BRIP1: variants seen among roughly 807,000 people sequenced by gnomAD.
The protein encoded by BRIP1 is BRCA1 interacting DNA helicase 1.
A neutral mutation model predicts 119.7 loss-of-function variants in BRIP1; 88 were observed. The ratio of observed to expected loss-of-function variants is 0.74; its 90% CI spans 0.62 to 0.88. BRIP1 has a LOEUF of 0.88. Ranked by LOEUF, BRIP1 falls within the 40% of genes least tolerant of loss-of-function variation. The probability of loss-of-function intolerance (pLI) is 0.00; values close to 1 mark genes in which losing one functional copy is unlikely to be tolerated. For missense variants in BRIP1, 1,259 were observed against 1,455.4 expected (o/e 0.87, Z 2.20); for synonymous variants, 443 against 496.5 (o/e 0.89, Z 1.43).
chr17:61,696,426 A>C (rs1402653147), intron 17 of BRIP1, among the ~76,000 whole-genome samples: 1 of 152,000 alleles, frequency 6.6e-6, no homozygotes, highest in East Asian at 1.9e-4. Flanking sequence ...TTTTCTCGTA[A>C]TGTATTTTAC....
chr17:61,746,036 A>G lies in BRIP1; in HGVS notation c.2098-1445T>C, dbSNP rs1323290060. On this transcript the variant is annotated intron_variant, in intron 14 of 19. Transcript: ENST00000259008. The surrounding 1 kb of genome is among the most constrained non-coding windows in gnomAD (Gnocchi z 4.9). Reference sequence around the variant, plus strand: ...CTACACAATTTGGACAAGTTATTATAAGAAACCACCCAAAATTCTCTGGAA... The same window carrying G: ...CTACACAATTTGGACAAGTTATTATGAGAAACCACCCAAAATTCTCTGGAA... 1.3e-5 allele frequency among the ~76,000 whole-genome samples: 2 copies of G among 152,194 alleles called. No individual in the cohort carries two copies. The highest frequency in any genetic ancestry group is 2.9e-5 in the Non-Finnish European group (2 of 68,014).
At position 61,765,376 on chromosome 17, in the gene BRIP1, A is replaced by G. The variant is rs1567798589; in HGVS notation, c.2097+11025T>C. ...TGTATGTGTGTGTGTGTGTGTGTAT[A>G]TATTATATATATATATATATATATA... On this transcript the variant is annotated intron_variant, in intron 14 of 19. Transcript: ENST00000259008. Among the ~76,000 whole-genome samples the G allele has an allele frequency of 3.3e-3, 165 of 50,094 alleles. 4 individuals are homozygous for G. The highest frequency in any genetic ancestry group is 0.012 in the African/African-American group (131 of 10,658). 32.9% of individuals were successfully genotyped at this position (50,094 alleles called of 152,430 possible).
chr17:61,793,480 A>C lies in BRIP1; in HGVS notation c.1473+117T>G. 1.1e-6 allele frequency: 1 copy of C among 935,092 alleles called. No homozygotes were observed. The highest frequency in any genetic ancestry group is 1.6e-6 in the Non-Finnish European group (1 of 644,930). The allele number at this position is 935,092 out of a possible 1,614,324, so 57.9% of individuals were successfully genotyped here. On this transcript the variant is annotated intron_variant, in intron 10 of 19. Coordinates refer to ENST00000259008, the MANE Select transcript of BRIP1 (RefSeq NM_032043.3). This position sits in a 1 kb window ranked among gnomAD's most constrained non-coding sequence, Gnocchi z 5.2. ...ATTTAGATAATAAAATTTTTAAAAA[A>C]TTAAATTGCTATATTTAACAATTCT...
At chr17:61,797,319 T>C (rs2077915873) in intron 9 of BRIP1, among the ~76,000 whole-genome samples, 1 of 151,778 alleles carries the variant, frequency 6.6e-6, no homozygotes, top group Non-Finnish European at 1.5e-5. Flanking sequence ...AAAAATGGAC[T>C]GTGAGAAGGA....
chr17:61,704,967 C>T lies in BRIP1; in HGVS notation c.2492+10984G>A, dbSNP rs76926382. On this transcript the variant is annotated intron_variant, in intron 17 of 19. Transcript: ENST00000259008. This position sits in a 1 kb window ranked among gnomAD's most constrained non-coding sequence, Gnocchi z 5.7. Reference sequence around the variant, plus strand: ...TATTTTATTTTAGATTCCAGGAGTACATGTGCAGGTTTGTTACAAAGGTAT... The same window carrying T: ...TATTTTATTTTAGATTCCAGGAGTATATGTGCAGGTTTGTTACAAAGGTAT... Among the ~76,000 whole-genome samples the T allele has an allele frequency of 4.7e-3, 710 of 151,888 alleles. 1 individual carries two copies. The highest frequency in any genetic ancestry group is 8.0e-3 in the Non-Finnish European group (546 of 67,930).
Position 61,793,199 on chromosome 17 carries a change from G to A in BRIP1, c.1473+398C>T, listed in dbSNP as rs367977039. On this transcript the variant is annotated intron_variant, in intron 10 of 19. Transcript: ENST00000259008. This position sits in a 1 kb window ranked among gnomAD's most constrained non-coding sequence, Gnocchi z 5.2. The stretch of plus-strand genomic sequence containing the variant: ...TTCATAAGTTTCATAGTCTTCCAAA[G>A]CCTACTCATGATCTCTCCATGAATA... 1.8e-4 allele frequency among the ~76,000 whole-genome samples: 27 copies of A among 152,066 alleles called. No homozygotes were observed. The highest frequency in any genetic ancestry group is 5.8e-4 in the African/African-American group (24 of 41,510).
In BRIP1 at chr17:61,805,461, C is replaced by T. The variant is rs1181945464; in HGVS notation, c.918+3006G>A. Among the ~76,000 whole-genome samples the T allele has an allele frequency of 6.6e-6, 1 of 152,178 alleles. No individual in the cohort carries two copies. The highest frequency in any genetic ancestry group is 2.4e-5 in the African/African-American group (1 of 41,440). ...TCATACTGTGTCAACTTCTCCCTACCTCAATGCCATCTTTGGATTTTGTTT... is the reference window on the plus strand; with the variant it reads ...TCATACTGTGTCAACTTCTCCCTACTTCAATGCCATCTTTGGATTTTGTTT... On this transcript the variant is annotated intron_variant, in intron 7 of 19. Coordinates refer to ENST00000259008, the MANE Select transcript of BRIP1 (RefSeq NM_032043.3). The surrounding 1 kb of genome is among the most constrained non-coding windows in gnomAD (Gnocchi z 5.6).
intron 17 of BRIP1, among the ~76,000 whole-genome samples, chr17:61,712,003 T>A (rs1272098099): frequency 2.0e-5 from 3 of 152,178 alleles, no homozygotes; most frequent in Non-Finnish European, 4.4e-5. Context: ...ACATAGCTTA[T>A]GTATTTGTAT....
Position 61,753,283 on chromosome 17 carries a change from C to T in BRIP1, c.2098-8692G>A, listed in dbSNP as rs184519867. On this transcript the variant is annotated intron_variant, in intron 14 of 19. Transcript: ENST00000259008. This position sits in a 1 kb window ranked among gnomAD's most constrained non-coding sequence, Gnocchi z 4.6. Reference sequence around the variant, plus strand: ...TAAATTCCTTTTAAAAAATAAATCACCCAGTTTCAGGTAGTCTGTTACAAG... The same window carrying T: ...TAAATTCCTTTTAAAAAATAAATCATCCAGTTTCAGGTAGTCTGTTACAAG... Among the ~76,000 whole-genome samples, 379 of 152,214 alleles carry T rather than the reference C, an allele frequency of 2.5e-3. No homozygotes were observed. The highest frequency in any genetic ancestry group is 8.8e-3 in the African/African-American group (366 of 41,524).
Position 61,861,349 on chromosome 17 carries a change from A to C in BRIP1, c.93+98T>G. 3.6e-6 allele frequency: 3 copies of C among 830,942 alleles called. No homozygotes were observed. The highest frequency in any genetic ancestry group is 6.1e-6 in the Non-Finnish European group (3 of 491,752). 51.5% of individuals were successfully genotyped at this position (830,942 alleles called of 1,614,324 possible). A position where few individuals can be genotyped will look rare whatever the true frequency, so the allele number is the denominator to read the frequency against. ...CAAGTGAACCCAGAAAATATTCTCC[A>C]TTTACTGAGAATATGAATGCAGTCA... On this transcript the variant is annotated intron_variant, in intron 2 of 19. Coordinates refer to ENST00000259008, the MANE Select transcript of BRIP1 (RefSeq NM_032043.3). This position sits in a 1 kb window ranked among gnomAD's most constrained non-coding sequence, Gnocchi z 4.5.
chr17:61,858,638 G>C lies in BRIP1; in HGVS notation c.205+1158C>G, dbSNP rs559642508. Among the ~76,000 whole-genome samples, 420 of 152,248 alleles carry C rather than the reference G, an allele frequency of 2.8e-3. 1 individual carries two copies. The highest frequency in any genetic ancestry group is 4.6e-3 in the Non-Finnish European group (315 of 68,020). The stretch of plus-strand genomic sequence containing the variant: ...TCCACCTGCCTTGGCCTCCCAAAGT[G>C]CTGGGATTACAGGCGTGCGCCACTG... On this transcript the variant is annotated intron_variant, in intron 3 of 19. Coordinates refer to ENST00000259008, the MANE Select transcript of BRIP1 (RefSeq NM_032043.3).
In BRIP1 at chr17:61,686,802, A is replaced by AC. The variant is rs1208716012; in HGVS notation, c.2576-638dup. On this transcript the variant is annotated intron_variant, in intron 18 of 19. Coordinates refer to ENST00000259008, the MANE Select transcript of BRIP1 (RefSeq NM_032043.3). The surrounding 1 kb of genome is among the most constrained non-coding windows in gnomAD (Gnocchi z 5.4). ...GACATAAAAACTGCACAAAAATGAA[A>AC]CCTAAGAGTTTAAGGTGTTTTCTAG... 6.6e-6 allele frequency among the ~76,000 whole-genome samples: 1 copy of AC among 152,104 alleles called. No homozygotes were observed. Among genetic ancestry groups the AC allele is most frequent in the Admixed American group, 6.5e-5 (1 of 15,276 alleles).
At chr17:61,811,853 G>C (rs2145450055) in intron 6 of BRIP1, among the ~76,000 whole-genome samples, 1 of 152,154 alleles carries the variant, frequency 6.6e-6, no homozygotes, top group East Asian at 2.0e-4. Flanking sequence ...TCGGGAGGCT[G>C]AGGCAGGTGA....
chr17:61,836,382 C>G (rs2078574866), intron 6 of BRIP1, among the ~76,000 whole-genome samples: 1 of 152,100 alleles, frequency 6.6e-6, no homozygotes, highest in South Asian at 2.1e-4. Flanking sequence ...TCCCCAAGTG[C>G]TGGGATTACA....
chr17:61,691,519 G>A lies in BRIP1; in HGVS notation c.2575+1911C>T, dbSNP rs1014024940. On this transcript the variant is annotated intron_variant, in intron 18 of 19. Transcript: ENST00000259008. This position sits in a 1 kb window ranked among gnomAD's most constrained non-coding sequence, Gnocchi z 5.0. Reference sequence around the variant, plus strand: ...TGCCCAGGCTAGAGTGCAGTGGCGCGGTCTTGGCTCACTGCAACCTCCGCC... The same window carrying A: ...TGCCCAGGCTAGAGTGCAGTGGCGCAGTCTTGGCTCACTGCAACCTCCGCC... Among the ~76,000 whole-genome samples the A allele has an allele frequency of 3.9e-5, 6 of 152,068 alleles. No individual in the cohort carries two copies. In the East Asian group the frequency reaches 5.8e-4, roughly 15 times the overall value.
At chr17:61,765,100 CT>C (rs2077332303) in intron 14 of BRIP1, among the ~76,000 whole-genome samples, 1 of 151,568 alleles carries the variant, frequency 6.6e-6, no homozygotes, top group Non-Finnish European at 1.5e-5. Context: ...ATGCTGGCAA[CT>C]TGATACTTGG....
intron 10 of BRIP1, among the ~76,000 whole-genome samples, chr17:61,790,967 T>A (rs549291737): frequency 1.4e-3 from 209 of 152,174 alleles, no homozygotes; most frequent in African/African-American, 4.4e-3. Flanking sequence ...ATGCAAACAA[T>A]TTATGCAAAA....
chr17:61,757,547 G>A lies in BRIP1; in HGVS notation c.2098-12956C>T, dbSNP rs1001666707. Among the ~76,000 whole-genome samples the A allele has an allele frequency of 6.6e-6, 1 of 152,170 alleles. No homozygotes were observed. Among genetic ancestry groups the A allele is most frequent in the Non-Finnish European group, 1.5e-5 (1 of 68,030 alleles). On this transcript the variant is annotated intron_variant, in intron 14 of 19. Coordinates refer to ENST00000259008, the MANE Select transcript of BRIP1 (RefSeq NM_032043.3). This position sits in a 1 kb window ranked among gnomAD's most constrained non-coding sequence, Gnocchi z 4.3. ...ATGTCAGAGCTGCACTACTAGTGCA[G>A]TAATGCACTAGTGACACCTGATTTA... is the stretch of plus-strand genomic sequence containing the variant.
At position 61,802,815 on chromosome 17, in the gene BRIP1, G is replaced by A. The variant is rs557076585; in HGVS notation, c.919-1341C>T. Among the ~76,000 whole-genome samples, 1 of 152,230 alleles carries A rather than the reference G, an allele frequency of 6.6e-6. No individual in the cohort carries two copies. Among genetic ancestry groups the A allele is most frequent in the Non-Finnish European group, 1.5e-5 (1 of 68,018 alleles). Reference sequence around the variant, plus strand: ...TAGAAATGGCATTATGGGATCAGACGCTACAAGGTATTTTTAAGTTTCTTG... The same window carrying A: ...TAGAAATGGCATTATGGGATCAGACACTACAAGGTATTTTTAAGTTTCTTG... On this transcript the variant is annotated intron_variant, in intron 7 of 19. Coordinates refer to ENST00000259008, the MANE Select transcript of BRIP1 (RefSeq NM_032043.3). The surrounding 1 kb of genome is among the most constrained non-coding windows in gnomAD (Gnocchi z 6.0).
Sources: allele counts gnomAD v4.1 joint callset (sites outside exome capture counted in the v4.1 genomes callset), GRCh38; gene constraint gnomAD v4.1.1; non-coding constraint Gnocchi (gnomAD v3.1); transcripts MANE v1.5; gene names NCBI Gene and HGNC (gene_info 2026-07-23, HGNC 2026-07-21).